The following GTPBP4 variants were observed in gnomAD, a reference collection of about 807,000 sequenced individuals.
GTPBP4 encodes GTP binding protein 4, also known as GTP-binding protein 4.
GTPBP4 carries 15 observed loss-of-function variants against 81.7 expected under a neutral mutation model. The ratio of observed to expected loss-of-function variants is 0.18; its 90% CI spans 0.12 to 0.28. The LOEUF is 0.28. Ranked by LOEUF, GTPBP4 falls within the 10% of genes least tolerant of loss-of-function variation. GTPBP4 has a pLI of 1.00. For missense variants in GTPBP4, 847 were observed against 793.8 expected (o/e 1.07, Z -0.81); for synonymous variants, 272 against 274.6 (o/e 0.99, Z 0.09).
chr10:988,734 G>T, intron 1 of GTPBP4: 1 of 587,032 alleles, frequency 1.7e-6, no homozygotes, highest in East Asian at 2.8e-5. Flanking sequence ...ATCCCCCAGA[G>T]ACCGGGGTCC....
chr10:1,003,917 G>C (rs1201493747), intron 8 of GTPBP4, among the ~76,000 whole-genome samples: 2 of 152,070 alleles, frequency 1.3e-5, no homozygotes, highest in Admixed American at 1.3e-4. Context: ...CTAGCCTTAG[G>C]GTCTTGTGTG....
Position 1,017,298 on chromosome 10 carries a change from A to T in GTPBP4, c.*71A>T. 7.3e-7 allele frequency: 1 copy of T among 1,361,598 alleles called. No homozygotes were observed. Among genetic ancestry groups the T allele is most frequent in the Non-Finnish European group, 1.0e-6 (1 of 974,712 alleles). 84.3% of individuals were successfully genotyped at this position (1,361,598 alleles called of 1,614,324 possible). ...TCCTGGTTTGGCACAGTATGGTTTC[A>T]TGAAATTGGAGCTCTGTATAAACTG... On this transcript the variant is annotated 3_prime_UTR_variant, in exon 17 of 17. Coordinates refer to ENST00000360803, the MANE Select transcript of GTPBP4 (RefSeq NM_012341.3).
At chr10:1,001,955 G>A (rs995829556) in intron 8 of GTPBP4, among the ~76,000 whole-genome samples, 5 of 147,004 alleles carry the variant, frequency 3.4e-5, no homozygotes, top group Admixed American at 6.9e-5. Context: ...ATGGAGTCTC[G>A]CTCTGTCACT....
At chr10:1,007,235 A>G in intron 10 of GTPBP4, 107 bp downstream of exon 10, 1 of 662,124 alleles carries the variant, frequency 1.5e-6, no homozygotes, top group Admixed American at 2.4e-5. Flanking sequence ...TCGCAGGTGG[A>G]TATTGTGGGT....
intron 13 of GTPBP4, 57 bp from the exon 14 acceptor site, chr10:1,012,408 C>T (rs1831894583): frequency 2.4e-6 from 3 of 1,225,744 alleles, no homozygotes; most frequent in Non-Finnish European, 3.5e-6. Flanking sequence ...GCCACACTCA[C>T]TGACTCAGGG....
In GTPBP4 at chr10:997,210, C is replaced by A; in HGVS notation, c.463C>A (p.Arg155Ser). ...TTTTCAATTTGAACTTTTCCTAGTG[C>A]GTCAGCATTTATCCCGTTTGCCAAC... ...KQSLEYLEQV[R>S]QHLSRLPTID... Residue 155 changes from arginine to serine, a missense_variant and splice_region_variant, in exon 5 of 17, where the codon CGT (arginine) becomes AGT (serine). Transcript: ENST00000360803. The A allele has an allele frequency of 6.5e-7, 1 of 1,549,482 alleles. No individual in the cohort carries two copies. Among genetic ancestry groups the A allele is most frequent in the Non-Finnish European group, 8.9e-7 (1 of 1,123,468 alleles).
At position 1,018,692 on chromosome 10, in the gene GTPBP4, C is replaced by G. The variant is rs1832032869; in HGVS notation, c.*1465C>G. The G allele has an allele frequency of 6.6e-6, 1 of 151,320 alleles. No individual in the cohort carries two copies. The allele number at this position is 151,320 out of a possible 1,614,324, so 9.4% of individuals were successfully genotyped here. On this transcript the variant is annotated 3_prime_UTR_variant, in exon 17 of 17. Coordinates refer to ENST00000360803, the MANE Select transcript of GTPBP4 (RefSeq NM_012341.3). ...GTGTGGTGGCGGGCGCCTGTAGTCC[C>G]AACTACTTGGGAGGCTGAGGCAGGA... is the stretch of plus-strand genomic sequence containing the variant.
rs752476585 is a variant in GTPBP4 at position 1,008,965 on chromosome 10, C to T, written c.1121C>T (p.Pro374Leu). The change falls in exon 11 of 17, where the codon CCC becomes CTC. Residue 374 changes from proline to leucine, a missense_variant. Pro to Leu is a moderately conservative substitution (Grantham distance 98). Coordinates refer to ENST00000360803, the MANE Select transcript of GTPBP4 (RefSeq NM_012341.3). ...IPTRRDDKER[P>L]PFIPEGVVAR... is the part of the protein sequence containing the mutation. Reference sequence around the variant, plus strand: ...TATATGGGATCTTCTCAGGAGAGGCCCCCTTTCATCCCTGAAGGAGTGGTG... The same window carrying T: ...TATATGGGATCTTCTCAGGAGAGGCTCCCTTTCATCCCTGAAGGAGTGGTG... The T allele has an allele frequency of 6.2e-7, 1 of 1,608,322 alleles. No homozygotes were observed.
chr10:1,002,844 C>T (rs1405688366), intron 8 of GTPBP4, among the ~76,000 whole-genome samples: 20 of 152,056 alleles, frequency 1.3e-4, no homozygotes, highest in Non-Finnish European at 5.9e-5. Context: ...TTTAGAATTT[C>T]CTTTATATTT....
rs997386728 is a variant in GTPBP4 at position 1,018,787 on chromosome 10, G to A, written c.*1560G>A. ...CGCACCACTGCACTCCAGCCTGGTC[G>A]ACAGCGAGACTCCATCTCAAAAAAA... On this transcript the variant is annotated 3_prime_UTR_variant, in exon 17 of 17. Transcript: ENST00000360803. 3.6e-5 allele frequency: 5 copies of A among 140,428 alleles called. No individual in the cohort carries two copies. The highest frequency in any genetic ancestry group is 1.1e-4 in the African/African-American group (4 of 36,980). The allele number at this position is 140,428 out of a possible 1,614,324, so 8.7% of individuals were successfully genotyped here.
chr10:996,894 T>C (rs1192135080), intron 4 of GTPBP4: 4 of 314,892 alleles, frequency 1.3e-5, no homozygotes, highest in East Asian at 8.9e-5. Flanking sequence ...CCTAATGTCA[T>C]CTTGCTAATG....
intron 10 of GTPBP4, chr10:1,007,796 TGTCA>T: frequency 2.2e-6 from 1 of 461,122 alleles, no homozygotes; most frequent in Non-Finnish European, 4.3e-6. Context: ...GGGCACTGAC[TGTCA>T]GTCTTGTGTA....
intron 12 of GTPBP4, 142 bp downstream of exon 12, chr10:1,009,722 A>G (rs539944390): frequency 1.5e-6 from 1 of 660,440 alleles, no homozygotes; most frequent in Non-Finnish European, 2.7e-6. Context: ...TAAAAGTTGC[A>G]TCCTGAGGGC....
intron 8 of GTPBP4, among the ~76,000 whole-genome samples, chr10:1,001,799 G>A (rs1442974114): frequency 6.6e-6 from 1 of 151,132 alleles, no homozygotes; most frequent in Non-Finnish European, 1.5e-5. Flanking sequence ...GATTTGTTTT[G>A]TGGCCTAACA....
At chr10:1,016,693 T>A (rs553160769) in intron 16 of GTPBP4, among the ~76,000 whole-genome samples, 2 of 152,368 alleles carry the variant, frequency 1.3e-5, no homozygotes, top group South Asian at 4.1e-4. Context: ...GTCCTGGGTA[T>A]AAAGCTTGTC....
At chr10:1,008,310 C>T (rs1467589314) in intron 10 of GTPBP4, 22 of 371,464 alleles carry the variant, frequency 5.9e-5, no homozygotes, top group South Asian at 2.5e-4. Context: ...GAGGCTGAGG[C>T]GGGAGAATCG....
chr10:993,887 G>C (rs1225025990), intron 2 of GTPBP4, among the ~76,000 whole-genome samples: 1 of 151,326 alleles, frequency 6.6e-6, no homozygotes, highest in Non-Finnish European at 1.5e-5. Context: ...AGCCTCCCAA[G>C]TAGCTGGGAT....
intron 9 of GTPBP4, 47 bp from the exon 10 acceptor site, chr10:1,006,971 T>C (rs1444549686): frequency 1.7e-6 from 2 of 1,151,370 alleles, no homozygotes; most frequent in Middle Eastern, 1.9e-4. Context: ...AGCTGGAGGC[T>C]GCTGGAGGAT....
At chr10:1,005,377 C>T (rs1432409244) in intron 8 of GTPBP4, among the ~76,000 whole-genome samples, 1 of 152,182 alleles carries the variant, frequency 6.6e-6, no homozygotes, top group African/African-American at 2.4e-5. Flanking sequence ...GACCTCCTGA[C>T]CTCATGATCC....
Sources: allele counts gnomAD v4.1 joint callset (sites outside exome capture counted in the v4.1 genomes callset), GRCh38; gene constraint gnomAD v4.1.1; transcripts MANE v1.5; gene names NCBI Gene and HGNC (gene_info 2026-07-23, HGNC 2026-07-21).